Variants in KCNQ1 observed in about 807,000 individuals in gnomAD.
KCNQ1 encodes potassium voltage-gated channel subfamily KQT member 1.
A neutral mutation model predicts 72.4 loss-of-function variants in KCNQ1; 49 were observed. The observed-to-expected ratio is 0.68, with a 90% CI of 0.54 to 0.86. KCNQ1 has a LOEUF of 0.86. Among genes scored for constraint, KCNQ1 ranks in the 40% least tolerant of loss-of-function variants. The probability of loss-of-function intolerance (pLI) is 0.00; values close to 1 mark genes in which losing one functional copy is unlikely to be tolerated. For missense variants in KCNQ1, 790 were observed against 945.1 expected, an observed-to-expected ratio of 0.84 and a Z score of 2.15; for synonymous variants, 450 against 412.6, an observed-to-expected ratio of 1.09 and a Z score of -1.10.
Position 2,566,537 on chromosome 11 carries a change from C to T in KCNQ1, c.478-4091C>T, listed in dbSNP as rs768717954. On this transcript the variant is annotated intron_variant, in intron 2 of 15. Transcript: ENST00000155840. This position sits in a 1 kb window ranked among gnomAD's most constrained non-coding sequence, Gnocchi z 6.7. ...GTCTGTGTTTGCTCTGTGCACGTCT[C>T]GGTGCCCAGATCTGAGGCCCTTTTG... is the stretch of plus-strand genomic sequence containing the variant. 2.6e-5 allele frequency among the ~76,000 whole-genome samples: 4 copies of T among 152,158 alleles called. No homozygotes were observed. The highest frequency in any genetic ancestry group is 6.5e-5 in the Admixed American group (1 of 15,282).
At chr11:2,692,910 T>C in intron 11 of KCNQ1, 1 of 398,404 alleles carries the variant, frequency 2.5e-6, no homozygotes, top group Middle Eastern at 6.3e-4. Context: ...AAATCAACTG[T>C]AGCATGGCCT....
chr11:2,776,397 C>G (rs550864746), intron 13 of KCNQ1, among the ~76,000 whole-genome samples: 1 of 152,104 alleles, frequency 6.6e-6, no homozygotes, highest in Non-Finnish European at 1.5e-5. Context: ...TCAGGACACT[C>G]GGCAGCCAGC....
intron 11 of KCNQ1, among the ~76,000 whole-genome samples, chr11:2,758,800 G>A (rs1262959424): frequency 2.0e-5 from 3 of 152,164 alleles, no homozygotes; most frequent in African/African-American, 7.2e-5. Context: ...TCCCCCGAAA[G>A]GTCGCATGCT....
In KCNQ1 at chr11:2,813,119, C is replaced by G. The variant is rs1475375092; in HGVS notation, c.1795-34648C>G. Among the ~76,000 whole-genome samples, 1 of 152,238 alleles carries G rather than the reference C, an allele frequency of 6.6e-6. No individual in the cohort carries two copies. The highest frequency in any genetic ancestry group is 3.2e-3 in the Middle Eastern group (1 of 316). The stretch of plus-strand genomic sequence containing the variant: ...TGAGAACCCTGTGCCTAGAACGGAG[C>G]CTGGTACAGAGGAAGAACCCGACAG... On this transcript the variant is annotated intron_variant, in intron 15 of 15. Transcript: ENST00000155840. The surrounding 1 kb of genome is among the most constrained non-coding windows in gnomAD (Gnocchi z 4.4).
chr11:2,668,669 A>G lies in KCNQ1; in HGVS notation c.1514+6588A>G, dbSNP rs370431809. The G allele has an allele frequency of 8.3e-5, 33 of 398,524 alleles. No homozygotes were observed. Among genetic ancestry groups the G allele is most frequent in the African/African-American group, 5.7e-4 (28 of 48,716 alleles). The allele number at this position is 398,524 out of a possible 1,614,324, so 24.7% of individuals were successfully genotyped here. A position where few individuals can be genotyped will look rare whatever the true frequency, so the allele number is the denominator to read the frequency against. On this transcript the variant is annotated intron_variant, in intron 11 of 15. Transcript: ENST00000155840. This position sits in a 1 kb window ranked among gnomAD's most constrained non-coding sequence, Gnocchi z 4.3. Reference sequence around the variant, plus strand: ...ATATATCTTTAGATATTCTGGAGTCATTTGTCAGAGAGAGAGATACACACA... The same window carrying G: ...ATATATCTTTAGATATTCTGGAGTCGTTTGTCAGAGAGAGAGATACACACA...
chr11:2,675,311 G>C (rs1177680818), intron 11 of KCNQ1: 1 of 398,482 alleles, frequency 2.5e-6, no homozygotes, highest in Non-Finnish European at 4.4e-6. Flanking sequence ...TATAAAACAT[G>C]AAAGTGGGAT....
rs1404170516 is a variant in KCNQ1, at chr11:2,847,869, G to C, written c.1897G>C (p.Glu633Gln). 1.3e-6 allele frequency: 2 copies of C among 1,578,226 alleles called. No individual in the cohort carries two copies. Among genetic ancestry groups the C allele is most frequent in the Non-Finnish European group, 1.7e-6 (2 of 1,162,224 alleles). ...CCCCGGCAGCGGCGGCCCCCCCAGA[G>C]AGGGCGGGGCCCACATCACCCAGCC... ...STPGSGGPPR[E>Q]GGAHITQPCG... The change falls in exon 16 of 16, where the codon GAG (glutamate) becomes CAG (glutamine). Residue 633 changes from glutamate to glutamine, a missense_variant. Transcript: ENST00000155840.
At position 2,659,936 on chromosome 11, in the gene KCNQ1, G is replaced by C. The variant is rs1177296482; in HGVS notation, c.1394-2025G>C. On this transcript the variant is annotated intron_variant, in intron 10 of 15. Coordinates refer to ENST00000155840, the MANE Select transcript of KCNQ1 (RefSeq NM_000218.3). The surrounding 1 kb of genome is among the most constrained non-coding windows in gnomAD (Gnocchi z 4.3). ...TAAGCATTCTTTATATATTCTGAGT[G>C]CAAGTCCTTGACCTGATAGGTGATA... 2.5e-6 allele frequency: 1 copy of C among 398,282 alleles called. No homozygotes were observed. Among genetic ancestry groups the C allele is most frequent in the African/African-American group, 2.1e-5 (1 of 48,600 alleles). The allele number at this position is 398,282 out of a possible 1,614,324, so 24.7% of individuals were successfully genotyped here.
At chr11:2,692,930 G>A (rs1850612109) in intron 11 of KCNQ1, 1 of 398,538 alleles carries the variant, frequency 2.5e-6, no homozygotes, top group African/African-American at 2.1e-5. Context: ...TATGTCCCAA[G>A]CAGGTTGTCC....
rs185255596 is a variant in KCNQ1, at chr11:2,678,774, G to A, written c.1514+16693G>A. On this transcript the variant is annotated intron_variant, in intron 11 of 15. Coordinates refer to ENST00000155840, the MANE Select transcript of KCNQ1 (RefSeq NM_000218.3). The surrounding 1 kb of genome is among the most constrained non-coding windows in gnomAD (Gnocchi z 4.9). ...GGGTGTTTGGGACTGAGGCTTCATC[G>A]TGGCAGCTAATAATGTCAGGGAGCA... The A allele has an allele frequency of 4.5e-5, 18 of 398,502 alleles. No homozygotes were observed. Among genetic ancestry groups the A allele is most frequent in the Middle Eastern group, 6.2e-4 (1 of 1,610 alleles). 24.7% of individuals were successfully genotyped at this position (398,502 alleles called of 1,614,324 possible).
intron 1 of KCNQ1, among the ~76,000 whole-genome samples, chr11:2,499,927 C>G (rs1846982929): frequency 6.6e-6 from 1 of 152,180 alleles, no homozygotes; most frequent in Admixed American, 6.5e-5. Context: ...GATCACAAAA[C>G]AAGTCTTGAA....
chr11:2,454,505 A>G (rs1044381653), intron 1 of KCNQ1, among the ~76,000 whole-genome samples: 3 of 152,324 alleles, frequency 2.0e-5, no homozygotes, highest in East Asian at 3.9e-4. Context: ...GAAGACAAAT[A>G]GAGCTGCATG....
chr11:2,765,476 AG>A (rs1408383646), intron 11 of KCNQ1, among the ~76,000 whole-genome samples: 2 of 152,198 alleles, frequency 1.3e-5, no homozygotes, highest in Non-Finnish European at 2.9e-5. Context: ...CTCCAGTTGT[AG>A]GGAGCAGTGT....
rs1003657828 is a variant in KCNQ1, at chr11:2,830,446, C to T, written c.1795-17321C>T. 6.6e-6 allele frequency among the ~76,000 whole-genome samples: 1 copy of T among 152,118 alleles called. No homozygotes were observed. Among genetic ancestry groups the T allele is most frequent in the Non-Finnish European group, 1.5e-5 (1 of 67,988 alleles). ...AGTCCCCTGTTAAAGGACCTAGGTC[C>T]TCCCAATGGCCTGCAAACCACACCC... On this transcript the variant is annotated intron_variant, in intron 15 of 15. Transcript: ENST00000155840. The surrounding 1 kb of genome is among the most constrained non-coding windows in gnomAD (Gnocchi z 7.7).
chr11:2,612,548 C>T lies in KCNQ1; in HGVS notation c.1393+23694C>T. On this transcript the variant is annotated intron_variant, in intron 10 of 15. Coordinates refer to ENST00000155840, the MANE Select transcript of KCNQ1 (RefSeq NM_000218.3). This position sits in a 1 kb window ranked among gnomAD's most constrained non-coding sequence, Gnocchi z 5.5. The stretch of plus-strand genomic sequence containing the variant: ...CTTAGCCGCACTAGTGAGTTTTTCA[C>T]CTAAGTTATTATATTTCACAACTAC... 1 of 398,532 alleles carries T rather than the reference C, an allele frequency of 2.5e-6. No homozygotes were observed. Among genetic ancestry groups the T allele is most frequent in the African/African-American group, 2.1e-5 (1 of 48,722 alleles). 24.7% of individuals were successfully genotyped at this position (398,532 alleles called of 1,614,324 possible).
chr11:2,675,816 G>A, intron 11 of KCNQ1: 1 of 398,710 alleles, frequency 2.5e-6, no homozygotes, highest in Non-Finnish European at 4.4e-6. Context: ...GTGCATGCAG[G>A]GCTGCACACT....
chr11:2,835,988 G>A (rs1004594607), intron 15 of KCNQ1, among the ~76,000 whole-genome samples: 7 of 152,000 alleles, frequency 4.6e-5, no homozygotes, highest in African/African-American at 1.5e-4. Flanking sequence ...GGTGGGAATC[G>A]AAGTCATAGG....
At chr11:2,525,631 G>A (rs1589929633) in intron 1 of KCNQ1, among the ~76,000 whole-genome samples, 1 of 152,250 alleles carries the variant, frequency 6.6e-6, no homozygotes, top group African/African-American at 2.4e-5. Context: ...GCTTTGGGCA[G>A]GCGGGAGTCA....
intron 1 of KCNQ1, among the ~76,000 whole-genome samples, chr11:2,487,785 A>G (rs956751691): frequency 2.0e-5 from 3 of 152,184 alleles, no homozygotes; most frequent in African/African-American, 4.8e-5. Context: ...GGGTTTCTAC[A>G]TATGAGATTA....
Sources: gnomAD v4.1 joint callset for allele counts (sites outside exome capture counted in the v4.1 genomes callset) on GRCh38, gnomAD v4.1.1 for gene constraint, Gnocchi (gnomAD v3.1) non-coding constraint, MANE v1.5 for transcripts, NCBI Gene and HGNC (gene_info 2026-07-23, HGNC 2026-07-21) for gene names.